The following CDX1 variants were observed in gnomAD, a reference collection of about 807,000 sequenced individuals.
The protein encoded by CDX1 is homeobox protein CDX-1.
CDX1 carries 9 observed loss-of-function variants against 16.9 expected under a neutral mutation model. The ratio of observed to expected loss-of-function variants is 0.53; its 90% CI spans 0.32 to 0.93. The LOEUF (loss-of-function observed/expected upper bound fraction) is 0.93. Ranked by LOEUF, CDX1 falls within the 40% of genes least tolerant of loss-of-function variation. CDX1 has a pLI of 0.04. For missense variants in CDX1, 393 were observed against 386.1 expected (o/e 1.02, Z -0.15); for synonymous variants, 179 against 179.0 (o/e 1.00, Z 0.00).
At chr5:150,179,322 C>A (rs772188083) in intron 1 of CDX1, among the ~76,000 whole-genome samples, 3 of 152,190 alleles carry the variant, frequency 2.0e-5, no homozygotes, top group Non-Finnish European at 4.4e-5. Context: ...TCTCCAGAGC[C>A]CAGAGAGGAG....
chr5:150,174,727 A>G (rs1316808804), intron 1 of CDX1, among the ~76,000 whole-genome samples: 3 of 151,188 alleles, frequency 2.0e-5, no homozygotes. Context: ...CAGAATGGAA[A>G]TCCATTCTGC....
At chr5:150,173,533 G>A (rs140612442) in intron 1 of CDX1, among the ~76,000 whole-genome samples, 1 of 152,144 alleles carries the variant, frequency 6.6e-6, no homozygotes, top group Admixed American at 6.5e-5. Context: ...CTCACCAGTC[G>A]GTTTAGCTCA....
At chr5:150,180,968 C>T (rs1263328686) in intron 1 of CDX1, among the ~76,000 whole-genome samples, 2 of 152,204 alleles carry the variant, frequency 1.3e-5, no homozygotes, top group African/African-American at 4.8e-5. Flanking sequence ...ACTTCCCCTT[C>T]CTCTTGCAAA....
In CDX1 at chr5:150,183,495, C is replaced by T; in HGVS notation, c.613C>T (p.Arg205Trp). The part of the protein sequence containing the change: ...ERQVKIWFQN[R>W]RAKERKVNKK... The stretch of plus-strand genomic sequence containing the variant: ...ACAGGTGAAGATCTGGTTCCAAAAC[C>T]GGCGGGCAAAGGAGCGCAAAGTGAA... Residue 205 changes from arginine to tryptophan, a missense_variant, in exon 3 of 3, where the codon CGG becomes TGG. Transcript: ENST00000231656. 10 of 1,606,396 alleles carry T rather than the reference C, an allele frequency of 6.2e-6. No individual in the cohort carries two copies. Among genetic ancestry groups the T allele is most frequent in the South Asian group, 2.2e-5 (2 of 90,060 alleles).
chr5:150,168,270 C>T (rs1305472611), intron 1 of CDX1, among the ~76,000 whole-genome samples: 1 of 152,228 alleles, frequency 6.6e-6, no homozygotes, highest in African/African-American at 2.4e-5. Flanking sequence ...ACCCCAGCTG[C>T]GAATAATCCT....
At chr5:150,167,540 A>C (rs1367764988) in intron 1 of CDX1, among the ~76,000 whole-genome samples, 1 of 152,168 alleles carries the variant, frequency 6.6e-6, no homozygotes, top group Non-Finnish European at 1.5e-5. Context: ...CTCTGTACAG[A>C]TAGGGAAACC....
chr5:150,169,494 C>T (rs940788854), intron 1 of CDX1, among the ~76,000 whole-genome samples: 1 of 152,088 alleles, frequency 6.6e-6, no homozygotes, highest in African/African-American at 2.4e-5. Context: ...TTCTTGAAGC[C>T]AGAAGGTGCT....
chr5:150,173,572 C>G (rs968333645), intron 1 of CDX1, among the ~76,000 whole-genome samples: 1 of 152,330 alleles, frequency 6.6e-6, no homozygotes, highest in Non-Finnish European at 1.5e-5. Flanking sequence ...GCTGCTAATC[C>G]CAGTTTGTCA....
intron 2 of CDX1, among the ~76,000 whole-genome samples, chr5:150,183,194 G>T (rs1203778745): frequency 3.3e-5 from 5 of 152,192 alleles, no homozygotes; most frequent in Non-Finnish European, 7.3e-5. Context: ...TACATTAGGG[G>T]AGCAGTCACA....
At chr5:150,180,531 G>A (rs1043160548) in intron 1 of CDX1, among the ~76,000 whole-genome samples, 9 of 152,200 alleles carry the variant, frequency 5.9e-5, no homozygotes, top group African/African-American at 4.8e-5. Flanking sequence ...CGTCAGAATG[G>A]GGGCGGGTGA....
At chr5:150,179,544 C>G (rs951467236) in intron 1 of CDX1, among the ~76,000 whole-genome samples, 1 of 152,238 alleles carries the variant, frequency 6.6e-6, no homozygotes, top group Admixed American at 6.5e-5. Flanking sequence ...CATTTCCCCC[C>G]ACCTATGAAA....
intron 1 of CDX1, among the ~76,000 whole-genome samples, chr5:150,167,879 C>T (rs1380465777): frequency 6.6e-6 from 1 of 152,206 alleles, no homozygotes; most frequent in African/African-American, 2.4e-5. Flanking sequence ...CTGTACCTTA[C>T]CTTCTCAGGG....
At chr5:150,183,433 C>T (rs2240782) in intron 2 of CDX1, 41 bp from the exon 3 acceptor site, 3 of 1,521,034 alleles carry the variant, frequency 2.0e-6, no homozygotes, top group Middle Eastern at 1.8e-4. Flanking sequence ...CTTTCACTCT[C>T]TCCCTGCTGC....
intron 1 of CDX1, among the ~76,000 whole-genome samples, chr5:150,174,946 A>G (rs901483677): frequency 1.3e-5 from 2 of 151,786 alleles, no homozygotes; most frequent in Non-Finnish European, 2.9e-5. Flanking sequence ...CCAGCTAATT[A>G]TTGTATTTTT....
chr5:150,181,465 T>C (rs1752414083), intron 1 of CDX1, among the ~76,000 whole-genome samples: 1 of 152,044 alleles, frequency 6.6e-6, no homozygotes. Flanking sequence ...TTAGTAGAGA[T>C]GAGGTTTCAC....
At position 150,183,785 on chromosome 5, in the gene CDX1, G is replaced by T; in HGVS notation, c.*105G>T. The T allele has an allele frequency of 2.2e-6, 2 of 896,508 alleles. No homozygotes were observed. Among genetic ancestry groups the T allele is most frequent in the Non-Finnish European group, 3.3e-6 (2 of 609,290 alleles). The allele number at this position is 896,508 out of a possible 1,614,324, so 55.5% of individuals were successfully genotyped here. A position where few individuals can be genotyped will look rare whatever the true frequency, so the allele number is the denominator to read the frequency against. The stretch of plus-strand genomic sequence containing the variant: ...GTCCGAGTCTCAGCCCTGACCTTCT[G>T]GGACATGGTGGACAGTCACCTATCC... On this transcript the variant is annotated 3_prime_UTR_variant, in exon 3 of 3. Coordinates refer to ENST00000231656, the MANE Select transcript of CDX1 (RefSeq NM_001804.3).
At chr5:150,172,107 C>A (rs548563510) in intron 1 of CDX1, among the ~76,000 whole-genome samples, 1 of 152,320 alleles carries the variant, frequency 6.6e-6, no homozygotes, top group Non-Finnish European at 1.5e-5. Flanking sequence ...GCTCCTTCTC[C>A]GAGGCTGTCT....
Position 150,182,888 on chromosome 5 carries a change from C to T in CDX1, c.566C>T (p.Ala189Val). The change falls in exon 2 of 3, where the codon GCC becomes GTC. Residue 189 changes from alanine (A) to valine (V), a missense_variant. Ala to Val is a moderately conservative substitution (Grantham distance 64, BLOSUM62 0). Transcript: ENST00000231656. ...ITIRRKSELA[A>V]NLGLTERQVK... is the part of the protein sequence containing the mutation. ...ATCCGGCGGAAATCAGAGCTGGCTG[C>T]CAATCTGGGGCTCACTGAACGGCAG... 6.2e-7 allele frequency: 1 copy of T among 1,611,508 alleles called. No homozygotes were observed. Among genetic ancestry groups the T allele is most frequent in the East Asian group, 2.2e-5 (1 of 44,806 alleles).
chr5:150,173,325 C>T (rs1418574596), intron 1 of CDX1, among the ~76,000 whole-genome samples: 1 of 152,208 alleles, frequency 6.6e-6, no homozygotes, highest in Non-Finnish European at 1.5e-5. Flanking sequence ...GGTCCACCTG[C>T]ATGCAGAGAG....
Sources: allele counts gnomAD v4.1 joint callset (sites outside exome capture counted in the v4.1 genomes callset), GRCh38; gene constraint gnomAD v4.1.1; transcripts MANE v1.5; gene names NCBI Gene and HGNC (gene_info 2026-07-23, HGNC 2026-07-21).